Variants in DPYD observed in about 807,000 individuals in gnomAD.
DPYD encodes dihydropyrimidine dehydrogenase.
A neutral mutation model predicts 116.2 loss-of-function variants in DPYD; 109 were observed. The ratio of observed to expected loss-of-function variants is 0.94; its 90% CI spans 0.80 to 1.10. DPYD has a LOEUF of 1.10. Among genes scored for constraint, DPYD ranks in the 50% least tolerant of loss-of-function variants. The pLI, the probability that DPYD is intolerant of heterozygous loss-of-function variation, is 0.00. For synonymous variants in DPYD, 440 were observed against 432.0 expected (o/e 1.02, Z -0.23); for missense variants, 1,302 against 1,254.5 (o/e 1.04, Z -0.57).
At chr1:97,361,020 G>C (rs1238241499) in intron 16 of DPYD, among the ~76,000 whole-genome samples, 1 of 152,042 alleles carries the variant, frequency 6.6e-6, no homozygotes, top group Non-Finnish European at 1.5e-5. Flanking sequence ...CCAGGATCTG[G>C]CTTTTTGAAA....
At chr1:97,101,875 A>G (rs1650713506) in intron 20 of DPYD, among the ~76,000 whole-genome samples, 3 of 152,138 alleles carry the variant, frequency 2.0e-5, no homozygotes, top group Admixed American at 6.6e-5. Context: ...TTTTGTTTCA[A>G]TAGTTTCTCC....
intron 5 of DPYD, among the ~76,000 whole-genome samples, chr1:97,714,688 T>A (rs1200792217): frequency 1.4e-5 from 2 of 146,880 alleles, no homozygotes; most frequent in Non-Finnish European, 3.0e-5. Flanking sequence ...CTAAGCCGTA[T>A]GTGTTGGTCT....
At chr1:97,240,989 A>G (rs1662300915) in intron 18 of DPYD, among the ~76,000 whole-genome samples, 2 of 152,064 alleles carry the variant, frequency 1.3e-5, no homozygotes, top group African/African-American at 4.8e-5. Context: ...GAGATGTGTA[A>G]TTTAAAGAGA....
intron 1 of DPYD, among the ~76,000 whole-genome samples, chr1:97,912,289 A>G (rs979294772): frequency 2.0e-5 from 3 of 152,134 alleles, no homozygotes; most frequent in Non-Finnish European, 4.4e-5. Context: ...ATAAAAAAAA[A>G]TTGTGCTGAA....
intron 20 of DPYD, among the ~76,000 whole-genome samples, chr1:97,174,257 C>T (rs948226585): frequency 6.6e-6 from 1 of 152,156 alleles, no homozygotes; most frequent in Admixed American, 6.5e-5. Context: ...TTAACGGAGG[C>T]TGCAGGCACT....
At chr1:97,143,167 T>C (rs907152995) in intron 20 of DPYD, among the ~76,000 whole-genome samples, 10 of 152,168 alleles carry the variant, frequency 6.6e-5, no homozygotes, top group African/African-American at 2.4e-4. Context: ...CTAAGGGCCA[T>C]AATATACTAT....
chr1:97,297,625 G>GC (rs1570457435), intron 18 of DPYD, among the ~76,000 whole-genome samples: 1 of 152,154 alleles, frequency 6.6e-6, no homozygotes, highest in African/African-American at 2.4e-5. Flanking sequence ...TAAAAGGATA[G>GC]CATTGTCTGG....
chr1:97,636,518 T>C (rs1220896029), intron 8 of DPYD, among the ~76,000 whole-genome samples: 2 of 152,170 alleles, frequency 1.3e-5, no homozygotes, highest in African/African-American at 2.4e-5. Flanking sequence ...ATGATTTATT[T>C]ATGTTTCTTA....
intron 2 of DPYD, among the ~76,000 whole-genome samples, chr1:97,835,210 T>C (rs565156464): frequency 2.0e-5 from 3 of 152,202 alleles, no homozygotes; most frequent in African/African-American, 7.2e-5. Flanking sequence ...TCTCTACAAC[T>C]AAACAGCTTA....
At chr1:97,595,195 T>C (rs1182390179) in intron 8 of DPYD, 29 bp from the exon 9 acceptor site, 4 of 1,575,444 alleles carry the variant, frequency 2.5e-6, no homozygotes, top group South Asian at 1.1e-5. Flanking sequence ...AAAATATCAT[T>C]AGCAGGAGGA....
chr1:97,669,811 T>A (rs1251086338), intron 8 of DPYD, among the ~76,000 whole-genome samples: 2 of 152,180 alleles, frequency 1.3e-5, no homozygotes, highest in Non-Finnish European at 2.9e-5. Context: ...ATATATATCA[T>A]ATATGGAAAT....
At chr1:97,158,519 ACACACT>A (rs1297283664) in intron 20 of DPYD, among the ~76,000 whole-genome samples, 1 of 142,428 alleles carries the variant, frequency 7.0e-6, no homozygotes, top group Non-Finnish European at 1.5e-5. Flanking sequence ...ACACACACAC[ACACACT>A]CTATCCAAAT....
chr1:97,340,829 G>A (rs1301604784), intron 16 of DPYD, among the ~76,000 whole-genome samples: 2 of 152,156 alleles, frequency 1.3e-5, no homozygotes, highest in African/African-American at 4.8e-5. Context: ...GTGAAATTAT[G>A]TAGCAACATA....
intron 1 of DPYD, among the ~76,000 whole-genome samples, chr1:97,891,353 T>C (rs1406572738): frequency 1.3e-5 from 2 of 151,850 alleles, no homozygotes; most frequent in African/African-American, 4.8e-5. Flanking sequence ...CATCAAAGAA[T>C]TTGACTTGTT....
At chr1:97,099,274 T>C (rs925756919) in intron 20 of DPYD, among the ~76,000 whole-genome samples, 1 of 152,062 alleles carries the variant, frequency 6.6e-6, no homozygotes, top group Non-Finnish European at 1.5e-5. Flanking sequence ...AAAATAGAAA[T>C]GAAAAGGAGA....
At chr1:97,272,216 A>G (rs1163248978) in intron 18 of DPYD, among the ~76,000 whole-genome samples, 1 of 152,188 alleles carries the variant, frequency 6.6e-6, no homozygotes, top group African/African-American at 2.4e-5. Flanking sequence ...ATGAATAAAA[A>G]CAAACAAAAA....
At chr1:97,647,020 G>A (rs902805970) in intron 8 of DPYD, among the ~76,000 whole-genome samples, 2 of 151,774 alleles carry the variant, frequency 1.3e-5, no homozygotes, top group African/African-American at 4.8e-5. Context: ...ACCATTCCTG[G>A]GTTTCCCAAG....
chr1:97,656,808 G>A (rs1167855403), intron 8 of DPYD, among the ~76,000 whole-genome samples: 1 of 149,938 alleles, frequency 6.7e-6, no homozygotes. Flanking sequence ...TCAATGCTTA[G>A]GAATTTTTTA....
intron 13 of DPYD, among the ~76,000 whole-genome samples, chr1:97,489,126 C>T (rs755940415): frequency 8.5e-5 from 13 of 152,184 alleles, no homozygotes; most frequent in Non-Finnish European, 1.3e-4. Context: ...AAGAGACAAC[C>T]CATAGCTTTG....
Sources: allele counts gnomAD v4.1 joint callset (sites outside exome capture counted in the v4.1 genomes callset), GRCh38; gene constraint gnomAD v4.1.1; transcripts MANE v1.5; gene names NCBI Gene and HGNC (gene_info 2026-07-23, HGNC 2026-07-21).